Variants in TMEM87A observed in about 807,000 individuals in gnomAD.
TMEM87A encodes Golgi-pH regulating cation channel.
In TMEM87A, 50 loss-of-function variants were observed where a neutral mutation model predicts 90.0. That is an observed-to-expected ratio of 0.56 (90% CI 0.44 to 0.70). TMEM87A has a LOEUF of 0.70. TMEM87A is among the 30% of genes least tolerant of loss of function. The probability of loss-of-function intolerance (pLI) is 0.00; values close to 1 mark genes in which losing one functional copy is unlikely to be tolerated. For synonymous variants in TMEM87A, 226 were observed against 226.7 expected (o/e 1.00, Z 0.03); for missense variants, 577 against 660.5 (o/e 0.87, Z 1.39).
intron 10 of TMEM87A, 40 bp downstream of exon 10, chr15:42,236,280 C>T (rs1348534056): frequency 8.0e-6 from 12 of 1,499,120 alleles, no homozygotes; most frequent in African/African-American, 2.7e-5. Context: ...ATTTAATCAG[C>T]ATTTTAATTT....
chr15:42,257,812 G>A, intron 6 of TMEM87A: 1 of 583,772 alleles, frequency 1.7e-6, no homozygotes, highest in Non-Finnish European at 2.2e-6. Flanking sequence ...ATAAAAAGGT[G>A]AAGTAGTATT....
chr15:42,228,930 T>G, intron 12 of TMEM87A, 110 bp from the exon 13 acceptor site: 1 of 667,964 alleles, frequency 1.5e-6, no homozygotes, highest in Non-Finnish European at 2.6e-6. Flanking sequence ...TATAGATCTC[T>G]CAGAGGCCTT....
At chr15:42,245,465 T>C (rs1192104987) in intron 6 of TMEM87A, among the ~76,000 whole-genome samples, 1 of 152,042 alleles carries the variant, frequency 6.6e-6, no homozygotes, top group African/African-American at 2.4e-5. Context: ...ATTCTGACCC[T>C]GTAAAAATAA....
At chr15:42,227,819 C>A (rs2050623232) in intron 13 of TMEM87A, 50 bp from the exon 14 acceptor site, 1 of 1,535,842 alleles carries the variant, frequency 6.5e-7, no homozygotes, top group African/African-American at 1.4e-5. Context: ...GGTTTACATC[C>A]CCAATTACAT....
chr15:42,271,789 C>T (rs538130261), intron 2 of TMEM87A, among the ~76,000 whole-genome samples: 11 of 150,736 alleles, frequency 7.3e-5, no homozygotes, highest in African/African-American at 1.9e-4. Flanking sequence ...GTATATACAG[C>T]ATATATATTA....
At position 42,228,809 on chromosome 15, in the gene TMEM87A, G is replaced by A; in HGVS notation, c.1143C>T (p.Ser381=). 6.3e-7 allele frequency: 1 copy of A among 1,588,054 alleles called. No homozygotes were observed. The highest frequency in any genetic ancestry group is 8.5e-7 in the Non-Finnish European group (1 of 1,170,610). Reference sequence around the variant, plus strand: ...TTAATAGCTTCATTGTTTGAGTCAGGCTAATAAATATGTGTTTGCAGGTCA... The same window carrying A: ...TTAATAGCTTCATTGTTTGAGTCAGACTAATAAATATGTGTTTGCAGGTCA... The part of the protein sequence containing the change: ...DTALCWWIFI[S]LTQTMKLLKL... Residue 381 remains serine (S), a synonymous_variant, in exon 13 of 20, where the codon AGC becomes AGT. Coordinates refer to ENST00000389834, the MANE Select transcript of TMEM87A (RefSeq NM_015497.5).
intron 3 of TMEM87A, 58 bp from the exon 4 acceptor site, chr15:42,264,261 G>A (rs994693755): frequency 1.2e-5 from 14 of 1,193,944 alleles, no homozygotes; most frequent in Non-Finnish European, 1.6e-5. Flanking sequence ...AAGATACTAA[G>A]AGCACAGCAC....
chr15:42,270,088 GGCC>G (rs1236455879), intron 2 of TMEM87A, among the ~76,000 whole-genome samples: 3 of 150,614 alleles, frequency 2.0e-5, no homozygotes, highest in African/African-American at 7.3e-5. Flanking sequence ...AAGTGTCTCA[GGCC>G]GGGCACGGTG....
At chr15:42,258,782 A>G (rs188495465) in intron 6 of TMEM87A, 1 of 1,442,666 alleles carries the variant, frequency 6.9e-7, no homozygotes, top group African/African-American at 1.4e-5. Context: ...CCTAACTTAC[A>G]TTCAGTTAAA....
Position 42,271,809 on chromosome 15 carries a change from TTATA to T in TMEM87A, c.205+250_205+253del, listed in dbSNP as rs370159378. On this transcript the variant is annotated intron_variant, in intron 2 of 19. Transcript: ENST00000389834. ...TACAGCATATATATTAATATATACA[TTATA>T]TATACTAATATATAATGTCTACATA... Among the ~76,000 whole-genome samples the T allele has an allele frequency of 3.1e-4, 47 of 150,788 alleles. No individual in the cohort carries two copies. In the East Asian group the frequency reaches 7.2e-3, roughly 23 times the overall value.
Position 42,239,083 on chromosome 15 carries a change from G to A in TMEM87A, c.684+587C>T, listed in dbSNP as rs560059798. 5.3e-5 allele frequency among the ~76,000 whole-genome samples: 8 copies of A among 151,934 alleles called. No individual in the cohort carries two copies. The East Asian group carries it at 7.8e-4, about 15-fold the overall frequency. ...GTTGTTGAGACAGTTTCACTCTGTC[G>A]CCCAGGCTGGAGTGCAGTGGCAAGA... On this transcript the variant is annotated intron_variant, in intron 8 of 19. Coordinates refer to ENST00000389834, the MANE Select transcript of TMEM87A (RefSeq NM_015497.5).
At chr15:42,212,174 G>GT (rs1285001381) in intron 19 of TMEM87A, among the ~76,000 whole-genome samples, 1 of 152,048 alleles carries the variant, frequency 6.6e-6, no homozygotes, top group African/African-American at 2.4e-5. Flanking sequence ...TTTGTTATGT[G>GT]TTTTTTACTA....
rs369961223 is a variant in TMEM87A, at chr15:42,236,463, G to T, written c.869-44C>A. 1.9e-5 allele frequency: 29 copies of T among 1,558,186 alleles called. No individual in the cohort carries two copies. The African/African-American group carries it at 3.7e-4, about 20-fold the overall frequency. On this transcript the variant is annotated intron_variant, in intron 9 of 19. Coordinates refer to ENST00000389834, the MANE Select transcript of TMEM87A (RefSeq NM_015497.5). ...GAAATGGCACCATAATCTAGGTTTG[G>T]CAACAGGCCAGATGCCAATACTAGA... is the stretch of plus-strand genomic sequence containing the variant.
At chr15:42,214,174 A>T (rs2050342735) in intron 19 of TMEM87A, among the ~76,000 whole-genome samples, 1 of 152,152 alleles carries the variant, frequency 6.6e-6, no homozygotes, top group Non-Finnish European at 1.5e-5. Context: ...TTCCATCAGT[A>T]ATCAAAAACA....
In TMEM87A at chr15:42,211,525, C is replaced by A; in HGVS notation, c.*183G>T. On this transcript the variant is annotated 3_prime_UTR_variant, in exon 20 of 20. Transcript: ENST00000389834. ...TCGTAGATTTTTCTCATCTTATGAA[C>A]TTGTTTTCAGTAAGATGTTCTCTTT... The A allele has an allele frequency of 1.7e-6, 1 of 576,128 alleles. No individual in the cohort carries two copies. Among genetic ancestry groups the A allele is most frequent in the South Asian group, 2.9e-5 (1 of 34,890 alleles). The allele number at this position is 576,128 out of a possible 1,614,324, so 35.7% of individuals were successfully genotyped here.
At position 42,228,731 on chromosome 15, in the gene TMEM87A, C is replaced by T. The variant is rs527905751; in HGVS notation, c.1221G>A (p.Thr407=). 6.2e-6 allele frequency: 10 copies of T among 1,612,688 alleles called. No homozygotes were observed. In the East Asian group the frequency reaches 1.3e-4, roughly 22 times the overall value. Residue 407 remains threonine (T), a synonymous_variant, in exon 13 of 20, where the codon ACG becomes ACA. Coordinates refer to ENST00000389834, the MANE Select transcript of TMEM87A (RefSeq NM_015497.5). ...ACTTACCTGCCACTGCCAAAATAAG[C>T]GTGTTGGTGAAATGCCGATACAAAG... is the stretch of plus-strand genomic sequence containing the variant. ...KLSLYRHFTN[T]LILAVAASIV...
At chr15:42,214,503 G>C (rs988879736) in intron 19 of TMEM87A, among the ~76,000 whole-genome samples, 26 of 152,192 alleles carry the variant, frequency 1.7e-4, no homozygotes, top group African/African-American at 6.0e-4. Flanking sequence ...GAACAAAATA[G>C]AAAGCCCAGA....
At chr15:42,255,560 C>T (rs115735142) in intron 6 of TMEM87A, among the ~76,000 whole-genome samples, 2,163 of 152,106 alleles carry the variant, frequency 0.014, 47 homozygotes, top group African/African-American at 0.05. Context: ...ACTGCACTGC[C>T]CTCTCTGTAC....
At chr15:42,218,283 T>C in intron 18 of TMEM87A, 40 bp downstream of exon 18, 1 of 1,604,798 alleles carries the variant, frequency 6.2e-7, no homozygotes, top group Non-Finnish European at 8.5e-7. Context: ...TAGTACTAAC[T>C]TTGAAATAGG....
Sources: gnomAD v4.1 joint callset for allele counts (sites outside exome capture counted in the v4.1 genomes callset) on GRCh38, gnomAD v4.1.1 for gene constraint, MANE v1.5 for transcripts, NCBI Gene and HGNC (gene_info 2026-07-23, HGNC 2026-07-21) for gene names.